The following BICRA variants were observed in gnomAD, a reference collection of about 807,000 sequenced individuals.
BICRA encodes the protein BRD4 interacting chromatin remodeling complex associated protein.
Under a neutral mutation model 96.9 loss-of-function variants are expected in BICRA, and 31 were observed. The ratio of observed to expected loss-of-function variants is 0.32; its 90% CI spans 0.24 to 0.43. BICRA has a LOEUF of 0.43. BICRA is among the 20% of genes least tolerant of loss of function. The pLI, the probability that BICRA is intolerant of heterozygous loss-of-function variation, is 1.00. For missense variants in BICRA, 2,283 were observed against 2,190.3 expected (o/e 1.04, Z -0.84); for synonymous variants, 1,350 against 1,071.8 (o/e 1.26, Z -5.07).
chr19:47,680,101 G>T lies in BICRA; in HGVS notation c.931G>T (p.Gly311Trp), dbSNP rs1245007333. The change falls in exon 6 of 15, where the codon GGG (glycine) becomes TGG (tryptophan). Residue 311 changes from glycine (G) to tryptophan (W), a missense_variant. By Grantham distance (184) the Gly-to-Trp change is radical. Coordinates refer to ENST00000594866, the MANE Select transcript of BICRA (RefSeq NM_001394372.1). ...TGGGAACTCTGTGTTCGGAGGCGCG[G>T]GGGCCGCCTCGGCTCCCACCGGGAC... ...LNGNSVFGGA[G>W]AASAPTGTPS... 2 of 1,546,604 alleles carry T rather than the reference G, an allele frequency of 1.3e-6. No homozygotes were observed. The highest frequency in any genetic ancestry group is 8.6e-7 in the Non-Finnish European group (1 of 1,158,068).
intron 9 of BICRA, 23 bp from the exon 10 acceptor site, chr19:47,695,342 T>TCGGGCGCCCCCCCCCCCC: frequency 1.6e-6 from 1 of 630,200 alleles, no homozygotes; most frequent in East Asian, 2.8e-5. Context: ...AGGCCCTGTC[T>TCGGGCGCCCCCCCCCCCC]CCCCCACCCC....
At chr19:47,638,695 G>A (rs1972338188) in intron 1 of BICRA, among the ~76,000 whole-genome samples, 2 of 151,808 alleles carry the variant, frequency 1.3e-5, no homozygotes, top group Admixed American at 6.6e-5. Flanking sequence ...TCGCTCTGTT[G>A]CCCAGGCTGG....
At chr19:47,624,062 G>T (rs958123964) in intron 1 of BICRA, among the ~76,000 whole-genome samples, 16 of 152,108 alleles carry the variant, frequency 1.1e-4, no homozygotes, top group Non-Finnish European at 1.5e-4. Flanking sequence ...TGTTGGCCAG[G>T]CTGGTCTTGA....
Position 47,679,606 on chromosome 19 carries a change from G to T in BICRA, c.436G>T (p.Ala146Ser), listed in dbSNP as rs778886863. 3.3e-6 allele frequency: 5 copies of T among 1,526,250 alleles called. No individual in the cohort carries two copies. Among genetic ancestry groups the T allele is most frequent in the African/African-American group, 1.4e-5 (1 of 72,138 alleles). 94.5% of individuals were successfully genotyped at this position (1,526,250 alleles called of 1,614,324 possible). ...PADGGAGPTG[A>S]GGAAAVAAGP... Reference sequence around the variant, plus strand: ...GGATGGCGGGGCAGGCCCGACGGGCGCTGGAGGGGCAGCGGCCGTGGCTGC... The same window carrying T: ...GGATGGCGGGGCAGGCCCGACGGGCTCTGGAGGGGCAGCGGCCGTGGCTGC... The change falls in exon 6 of 15, where the codon GCT (alanine) becomes TCT (serine). Residue 146 changes from alanine (A) to serine (S), a missense_variant. Ala to Ser is a moderately conservative substitution (Grantham distance 99). Transcript: ENST00000594866.
intron 1 of BICRA, among the ~76,000 whole-genome samples, chr19:47,664,459 T>A (rs1002458052): frequency 1.3e-5 from 2 of 152,176 alleles, no homozygotes; most frequent in African/African-American, 4.8e-5. Context: ...AGTGAGGTCT[T>A]CAGAATCACA....
intron 6 of BICRA, among the ~76,000 whole-genome samples, chr19:47,681,714 G>A (rs950033010): frequency 6.6e-6 from 1 of 152,100 alleles, no homozygotes; most frequent in Admixed American, 6.5e-5. Context: ...GAGAGAAAGT[G>A]GACGAGACAG....
In BICRA at chr19:47,673,552, T is replaced by C; in HGVS notation, c.-5-18T>C. The C allele has an allele frequency of 6.2e-7, 1 of 1,609,504 alleles. No individual in the cohort carries two copies. The highest frequency in any genetic ancestry group is 8.5e-7 in the Non-Finnish European group (1 of 1,175,940). ...AACCTTGTCTCCCTCGCCCTCTTCCTGACCCCACCCCATCCAGTGGCGATG... is the reference window on the plus strand; with the variant it reads ...AACCTTGTCTCCCTCGCCCTCTTCCCGACCCCACCCCATCCAGTGGCGATG... On this transcript the variant is annotated intron_variant, in intron 2 of 14. Coordinates refer to ENST00000594866, the MANE Select transcript of BICRA (RefSeq NM_001394372.1).
At chr19:47,622,998 C>T (rs1454127015) in intron 1 of BICRA, among the ~76,000 whole-genome samples, 1 of 151,308 alleles carries the variant, frequency 6.6e-6, no homozygotes, top group Non-Finnish European at 1.5e-5. Flanking sequence ...GATAGTGCCA[C>T]TGCACTCCAG....
At chr19:47,688,737 G>A (rs893110296) in intron 7 of BICRA, among the ~76,000 whole-genome samples, 2 of 152,064 alleles carry the variant, frequency 1.3e-5, no homozygotes, top group African/African-American at 2.4e-5. Flanking sequence ...TGCAGCAAGC[G>A]AGCTGAGATT....
chr19:47,640,895 A>ATT (rs35232398), intron 1 of BICRA, among the ~76,000 whole-genome samples: 1,346 of 95,184 alleles, frequency 0.014, 103 homozygotes, highest in African/African-American at 0.041. Context: ...TCAGAGTCAG[A>ATT]TTTTTTTTTT....
At chr19:47,637,340 C>T (rs375491766) in intron 1 of BICRA, among the ~76,000 whole-genome samples, 5 of 152,010 alleles carry the variant, frequency 3.3e-5, no homozygotes, top group African/African-American at 9.6e-5. Flanking sequence ...AGGATGGTCT[C>T]AGTCTCTTGA....
At chr19:47,666,754 G>A (rs1011982401) in intron 1 of BICRA, among the ~76,000 whole-genome samples, 34 of 152,050 alleles carry the variant, frequency 2.2e-4, no homozygotes, top group Admixed American at 2.2e-3. Context: ...AAATTTTTTT[G>A]TAGAGATGAG....
At chr19:47,693,821 G>T (rs1007265308) in intron 7 of BICRA, among the ~76,000 whole-genome samples, 1 of 152,202 alleles carries the variant, frequency 6.6e-6, no homozygotes, top group African/African-American at 2.4e-5. Context: ...CTTTGTCTGG[G>T]GAACTGCGAG....
chr19:47,655,307 C>G (rs1367534636), intron 1 of BICRA, among the ~76,000 whole-genome samples: 1 of 151,880 alleles, frequency 6.6e-6, no homozygotes, highest in Non-Finnish European at 1.5e-5. Context: ...AGGTGGATCA[C>G]CTGAGATCAG....
intron 1 of BICRA, among the ~76,000 whole-genome samples, chr19:47,644,470 C>T (rs1373186447): frequency 9.0e-6 from 1 of 110,610 alleles, no homozygotes; most frequent in Non-Finnish European, 1.8e-5. Flanking sequence ...CCTCCCCTTT[C>T]CCTACCCCTT....
intron 1 of BICRA, among the ~76,000 whole-genome samples, chr19:47,653,410 T>A (rs562130851): frequency 4.9e-4 from 75 of 151,774 alleles, no homozygotes; most frequent in Admixed American, 3.4e-3. Context: ...ACCAATTCAG[T>A]TGTTTTCAGT....
chr19:47,659,492 C>T (rs139773330), intron 1 of BICRA, among the ~76,000 whole-genome samples: 77 of 152,134 alleles, frequency 5.1e-4, no homozygotes, highest in African/African-American at 1.8e-3. Flanking sequence ...GTGCTTTGTC[C>T]GAGAGGGCAT....
At position 47,620,473 on chromosome 19, in the gene BICRA, C is replaced by T. The variant is rs569557210; in HGVS notation, c.-108+11305C>T. Among the ~76,000 whole-genome samples the T allele has an allele frequency of 7.2e-5, 11 of 151,926 alleles. No individual in the cohort carries two copies. In the South Asian group the frequency reaches 2.1e-3, roughly 29 times the overall value. ...CCTGAGGTCGGGAGTTTGAGACCAG[C>T]TTGGGCAACATGGTGAAACCCCGTC... On this transcript the variant is annotated intron_variant, in intron 1 of 14. Transcript: ENST00000594866.
At position 47,701,375 on chromosome 19, in the gene BICRA, T is replaced by G; in HGVS notation, c.3643T>G (p.Ser1215Ala). ...CTCGCTCGGCCTCCCCATCGCAGCCTCTTCCGAGGGTCATCGGCTTCCCGG... is the reference window on the plus strand; with the variant it reads ...CTCGCTCGGCCTCCCCATCGCAGCCGCTTCCGAGGGTCATCGGCTTCCCGG... ...SRSLGLPIAA[S>A]SEGHRLPGHG... Residue 1215 changes from serine (S) to alanine (A), a missense_variant, in exon 15 of 15, where the codon TCT becomes GCT. Transcript: ENST00000594866. The surrounding 1 kb of genome is among the most constrained non-coding windows in gnomAD (Gnocchi z 5.4). The G allele has an allele frequency of 6.2e-7, 1 of 1,611,134 alleles. No individual in the cohort carries two copies. The highest frequency in any genetic ancestry group is 8.5e-7 in the Non-Finnish European group (1 of 1,179,184).
Sources: gnomAD v4.1 joint callset for allele counts (sites outside exome capture counted in the v4.1 genomes callset) on GRCh38, gnomAD v4.1.1 for gene constraint, Gnocchi (gnomAD v3.1) non-coding constraint, MANE v1.5 for transcripts, NCBI Gene and HGNC (gene_info 2026-07-23, HGNC 2026-07-21) for gene names.